The following KRI1 variants were observed in gnomAD, a reference collection of about 807,000 sequenced individuals.
The protein encoded by KRI1 is KRI1 homolog.
Under a neutral mutation model 97.0 loss-of-function variants are expected in KRI1, and 83 were observed. The ratio of observed to expected loss-of-function variants is 0.86; its 90% CI spans 0.72 to 1.03. The LOEUF is 1.03. Ranked by LOEUF, KRI1 falls within the 50% of genes least tolerant of loss-of-function variation. The pLI, the probability that KRI1 is intolerant of heterozygous loss-of-function variation, is 0.00. For synonymous variants in KRI1, 371 were observed against 363.5 expected (o/e 1.02, Z -0.23); for missense variants, 916 against 928.4 (o/e 0.99, Z 0.17).
In KRI1 at chr19:10,564,923, C is replaced by A. The variant is rs772592930; in HGVS notation, c.274+6G>T. The A allele has an allele frequency of 7.5e-5, 119 of 1,583,154 alleles. No homozygotes were observed. Among genetic ancestry groups the A allele is most frequent in the Non-Finnish European group, 9.6e-5 (111 of 1,152,050 alleles). On this transcript the variant is annotated splice_donor_region_variant and intron_variant, in intron 3 of 18. Transcript: ENST00000312962. ...AGGAGAGGTTTAGACAGGAGTGGCC[C>A]CGGACCTGTTCTGTTATAGAAGGTG...
intron 3 of KRI1, among the ~76,000 whole-genome samples, chr19:10,564,059 T>G (rs975287030): frequency 6.7e-6 from 1 of 150,364 alleles, no homozygotes; most frequent in African/African-American, 2.5e-5. Flanking sequence ...GGCAGGAGAA[T>G]CGGTTGAACC....
Position 10,555,143 on chromosome 19 carries a change from C to CT in KRI1, c.1724dup (p.Lys576GlufsTer34). 1 of 1,611,540 alleles carries CT rather than the reference C, an allele frequency of 6.2e-7. No homozygotes were observed. The highest frequency in any genetic ancestry group is 8.5e-7 in the Non-Finnish European group (1 of 1,179,090). ...GCTTTTTCCATGAGTTCTGGGCCTTCTGGCTGTACGCCCGCTTGTCCCGCA... is the reference window on the plus strand; with the variant it reads ...GCTTTTTCCATGAGTTCTGGGCCTTCTTGGCTGTACGCCCGCTTGTCCCGCA... On this transcript the variant is annotated frameshift_variant, in exon 18 of 19. Transcript: ENST00000312962. LOFTEE classifies it high-confidence loss of function.
At position 10,559,846 on chromosome 19, in the gene KRI1, C is replaced by T. The variant is rs746434339; in HGVS notation, c.891G>A (p.Lys297=). ...FLKKQEDFEQ[K]YNFRFEEPDS... The stretch of plus-strand genomic sequence containing the variant: ...CCGGCTCCTCGAAACGGAAATTGTA[C>T]TTCTGTTCAAAGTCCTCCTGTTTCT... The change falls in exon 10 of 19, where the codon AAG becomes AAA. Residue 297 remains lysine, a synonymous_variant. Coordinates refer to ENST00000312962, the MANE Select transcript of KRI1 (RefSeq NM_023008.5). 5 of 1,613,898 alleles carry T rather than the reference C, an allele frequency of 3.1e-6. No individual in the cohort carries two copies. The highest frequency in any genetic ancestry group is 4.2e-6 in the Non-Finnish European group (5 of 1,180,018).
chr19:10,560,903 A>G (rs766488939), intron 8 of KRI1, 100 bp downstream of exon 8: 124 of 891,300 alleles, frequency 1.4e-4, no homozygotes, highest in Non-Finnish European at 2.2e-4. Context: ...AGGCCCAGAG[A>G]TGTACATATC....
At position 10,553,154 on chromosome 19, in the gene KRI1, T is replaced by G; in HGVS notation, c.*797A>C. 2.8e-6 allele frequency: 4 copies of G among 1,428,576 alleles called. No individual in the cohort carries two copies. Among genetic ancestry groups the G allele is most frequent in the Non-Finnish European group, 3.7e-6 (4 of 1,076,028 alleles). The allele number at this position is 1,428,576 out of a possible 1,614,324, so 88.5% of individuals were successfully genotyped here. ...GTGGGATCTTGAGCTCTGGCAGTGATGATGGTACTTCCTGTTGTCAGCCCC... is the reference window on the plus strand; with the variant it reads ...GTGGGATCTTGAGCTCTGGCAGTGAGGATGGTACTTCCTGTTGTCAGCCCC... On this transcript the variant is annotated 3_prime_UTR_variant, in exon 19 of 19. Transcript: ENST00000312962.
At chr19:10,560,697 T>C (rs902499852) in intron 8 of KRI1, among the ~76,000 whole-genome samples, 1 of 152,146 alleles carries the variant, frequency 6.6e-6, no homozygotes, top group Non-Finnish European at 1.5e-5. Context: ...TCCCAAGTAT[T>C]TGAGACTACA....
At chr19:10,555,065 T>C (rs1916455902) in intron 18 of KRI1, 22 bp downstream of exon 18, 2 of 1,602,852 alleles carry the variant, frequency 1.2e-6, no homozygotes, top group Admixed American at 1.7e-5. Flanking sequence ...CCACCCACGC[T>C]TCCCCAGCCA....
intron 12 of KRI1, among the ~76,000 whole-genome samples, chr19:10,559,101 T>C (rs1599532863): frequency 6.6e-6 from 1 of 151,196 alleles, no homozygotes; most frequent in African/African-American, 2.4e-5. Context: ...GCCTCCCGGG[T>C]TCAAGCAATT....
rs780059248 is a variant in KRI1, at chr19:10,561,171, TCTC to T, written c.580_582del (p.Glu194del). On this transcript the variant is annotated inframe_deletion, in exon 7 of 19. Transcript: ENST00000312962. ...TCCAGTCAGGCCCCAGTACCCACCT[TCTC>T]CTGCCTGGTTTTGGCACGTTTCTGC... The T allele has an allele frequency of 1.9e-6, 3 of 1,613,678 alleles. No individual in the cohort carries two copies. Among genetic ancestry groups the T allele is most frequent in the Non-Finnish European group, 2.5e-6 (3 of 1,179,904 alleles).
rs1307239329 is a variant in KRI1 at position 10,553,879 on chromosome 19, T to C, written c.*72A>G. On this transcript the variant is annotated 3_prime_UTR_variant, in exon 19 of 19. Transcript: ENST00000312962. ...AGAGGATCTCTGCAGCAGATAGTAC[T>C]TGTGGGTGCGAGACCTGTCCAGGGC... 3 of 1,247,572 alleles carry C rather than the reference T, an allele frequency of 2.4e-6. No homozygotes were observed. Among genetic ancestry groups the C allele is most frequent in the Non-Finnish European group, 3.3e-6 (3 of 917,976 alleles). The allele number at this position is 1,247,572 out of a possible 1,614,324, so 77.3% of individuals were successfully genotyped here. A position where few individuals can be genotyped will look rare whatever the true frequency, so the allele number is the denominator to read the frequency against.
intron 4 of KRI1, 99 bp from the exon 5 acceptor site, chr19:10,561,944 T>A (rs1458491558): frequency 2.9e-6 from 3 of 1,045,228 alleles, no homozygotes; most frequent in African/African-American, 3.1e-5. Context: ...CTGGCGGGGG[T>A]CATCGGAGGG....
In KRI1 at chr19:10,557,962, T is replaced by C. The variant is rs751075099; in HGVS notation, c.1359+10A>G. 1 of 1,614,082 alleles carries C rather than the reference T, an allele frequency of 6.2e-7. No individual in the cohort carries two copies. Among genetic ancestry groups the C allele is most frequent in the East Asian group, 2.2e-5 (1 of 44,878 alleles). ...GGGCCCCTGGGACTCCCTCAACCCG[T>C]GATACCTACGTTGAAGTTGGGGTCC... On this transcript the variant is annotated intron_variant, in intron 14 of 18. Transcript: ENST00000312962.
chr19:10,564,036 C>G (rs1032346684), intron 3 of KRI1, among the ~76,000 whole-genome samples: 4 of 151,492 alleles, frequency 2.6e-5, no homozygotes, highest in African/African-American at 9.7e-5. Context: ...ATCCCAGCTA[C>G]TCCGGAGGCT....
rs12609350 is a variant in KRI1, at chr19:10,561,214, G to A, written c.540C>T (p.Gly180=). 1,737 of 1,613,998 alleles carry A rather than the reference G, an allele frequency of 1.1e-3. 38 individuals are homozygous for A. In the East Asian group the frequency reaches 0.031, roughly 29 times the overall value. ...DSEDEDGAGE[G]GSSLLQKRAK... Reference sequence around the variant, plus strand: ...CACGTTTCTGCAGCAAACTGGAGCCGCCCTCCCCAGCGCCGTCCTCGTCCT... The same window carrying A: ...CACGTTTCTGCAGCAAACTGGAGCCACCCTCCCCAGCGCCGTCCTCGTCCT... The change falls in exon 7 of 19, where the codon GGC becomes GGT. Residue 180 remains glycine, a synonymous_variant. Transcript: ENST00000312962.
chr19:10,565,622 TG>T, intron 2 of KRI1, 94 bp downstream of exon 2: 2 of 1,399,628 alleles, frequency 1.4e-6, no homozygotes, highest in Non-Finnish European at 9.3e-7. Context: ...CAGGGCGCTC[TG>T]GGGTTGGGGG....
Position 10,557,496 on chromosome 19 carries a change from C to A in KRI1, c.1617+56G>T. ...ATTGGGACTCAGGGCCAGCTTTCTACCCCTTCGGCATACCTGGTGCCCCCT... is the reference window on the plus strand; with the variant it reads ...ATTGGGACTCAGGGCCAGCTTTCTAACCCTTCGGCATACCTGGTGCCCCCT... On this transcript the variant is annotated intron_variant, in intron 16 of 18. Transcript: ENST00000312962. 34 of 1,568,634 alleles carry A rather than the reference C, an allele frequency of 2.2e-5. No individual in the cohort carries two copies. Among genetic ancestry groups the A allele is most frequent in the Non-Finnish European group, 2.8e-5 (32 of 1,150,120 alleles).
rs571114102 is a variant in KRI1 at position 10,558,126 on chromosome 19, G to GTCCCCAA, written c.1270+31_1270+37dup. 129 of 1,613,294 alleles carry GTCCCCAA rather than the reference G, an allele frequency of 8.0e-5. No homozygotes were observed. The African/African-American group carries it at 1.3e-3, about 17-fold the overall frequency. ...CCTTGGGCTTCAGTCCCAGTCCCCA[G>GTCCCCAA]TCCCCAATCCCCAGCCCAGTGCCCC... On this transcript the variant is annotated intron_variant, in intron 13 of 18. Coordinates refer to ENST00000312962, the MANE Select transcript of KRI1 (RefSeq NM_023008.5).
In KRI1 at chr19:10,554,280, C is replaced by A; in HGVS notation, c.1783G>T (p.Ala595Ser). The A allele has an allele frequency of 6.2e-7, 1 of 1,613,412 alleles. No homozygotes were observed. Among genetic ancestry groups the A allele is most frequent in the Non-Finnish European group, 8.5e-7 (1 of 1,179,830 alleles). Residue 595 changes from alanine (A) to serine (S), a missense_variant and splice_region_variant, in exon 19 of 19, where the codon GCA (alanine) becomes TCA (serine). Around this residue, in one of 3 missense-constraint regions of KRI1, gnomAD observed 672 missense variants for 667.2 expected, o/e 1.01. Transcript: ENST00000312962. ...CCTGTGGCTTCCGCAGGTGTCTCTG[C>A]CCTGAGGGAGAAAAGTCAGGGCTCA... ...QVFKSLCREE[A>S]ETPAEATGKP... is the part of the protein sequence containing the mutation.
intron 2 of KRI1, chr19:10,565,346 G>A (rs1916830575): frequency 1.9e-6 from 1 of 534,366 alleles, no homozygotes; most frequent in Admixed American, 3.6e-5. Flanking sequence ...GGCTGGGCCA[G>A]GCCGCACAGT....
Sources: gnomAD v4.1 joint callset for allele counts (sites outside exome capture counted in the v4.1 genomes callset) on GRCh38, gnomAD v4.1.1 for gene constraint, gnomAD v4.1.1 regional missense constraint, MANE v1.5 for transcripts, NCBI Gene and HGNC (gene_info 2026-07-23, HGNC 2026-07-21) for gene names.